The following IMMT variants were observed in gnomAD, a reference collection of about 807,000 sequenced individuals.
IMMT encodes MICOS complex subunit MIC60.
IMMT carries 40 observed loss-of-function variants against 92.7 expected under a neutral mutation model. The observed-to-expected ratio is 0.43, with a 90% CI of 0.34 to 0.56. IMMT has a LOEUF of 0.56. IMMT is among the 20% of genes least tolerant of loss of function. IMMT has a pLI of 0.03. For synonymous variants in IMMT, 322 were observed against 336.1 expected (o/e 0.96, Z 0.46); for missense variants, 831 against 912.1 (o/e 0.91, Z 1.14).
At chr2:86,165,431 G>A (rs1475266738) in intron 7 of IMMT, among the ~76,000 whole-genome samples, 1 of 152,168 alleles carries the variant, frequency 6.6e-6, no homozygotes, top group Non-Finnish European at 1.5e-5. Context: ...AAAGGTTGTA[G>A]TTTCTTGCTA....
intron 10 of IMMT, among the ~76,000 whole-genome samples, chr2:86,154,657 A>C (rs1195231310): frequency 6.6e-6 from 1 of 152,172 alleles, no homozygotes; most frequent in Non-Finnish European, 1.5e-5. Flanking sequence ...TTCAAACTAA[A>C]TTTTCATTTA....
At position 86,158,738 on chromosome 2, in the gene IMMT, G is replaced by T; in HGVS notation, c.1033-17C>A. 2 of 1,575,116 alleles carry T rather than the reference G, an allele frequency of 1.3e-6. No individual in the cohort carries two copies. The highest frequency in any genetic ancestry group is 1.7e-6 in the Non-Finnish European group (2 of 1,153,062). On this transcript the variant is annotated splice_polypyrimidine_tract_variant and intron_variant, in intron 9 of 14. Transcript: ENST00000410111. ...TGCTTGGACCTGAGCAAATACACAGGGTATGTGATTAAATTGAACAAAAAA... is the reference window on the plus strand; with the variant it reads ...TGCTTGGACCTGAGCAAATACACAGTGTATGTGATTAAATTGAACAAAAAA...
At chr2:86,186,761 C>A (rs1336283739) in intron 1 of IMMT, among the ~76,000 whole-genome samples, 1 of 152,206 alleles carries the variant, frequency 6.6e-6, no homozygotes, top group Non-Finnish European at 1.5e-5. Context: ...TTTTCCAGAA[C>A]TGAGTAAGGC....
At chr2:86,159,369 A>C (rs1230325443) in intron 9 of IMMT, 167 bp downstream of exon 9, 2 of 695,222 alleles carry the variant, frequency 2.9e-6, no homozygotes, top group Non-Finnish European at 5.2e-6. Flanking sequence ...ACAGGTGTGA[A>C]CCACCACACC....
rs561421843 is a variant in IMMT, at chr2:86,144,185, G to A, written c.*83C>T. 32 of 1,470,584 alleles carry A rather than the reference G, an allele frequency of 2.2e-5. No homozygotes were observed. Among genetic ancestry groups the A allele is most frequent in the East Asian group, 9.2e-5 (4 of 43,680 alleles). The allele number at this position is 1,470,584 out of a possible 1,614,324, so 91.1% of individuals were successfully genotyped here. Reference sequence around the variant, plus strand: ...AACCTGCTCATTTCTAGACAAGTCCGGGACTCTCGCTGCGAACCCTTCATC... The same window carrying A: ...AACCTGCTCATTTCTAGACAAGTCCAGGACTCTCGCTGCGAACCCTTCATC... On this transcript the variant is annotated 3_prime_UTR_variant, in exon 15 of 15. Coordinates refer to ENST00000410111, the MANE Select transcript of IMMT (RefSeq NM_006839.3).
intron 12 of IMMT, among the ~76,000 whole-genome samples, chr2:86,151,020 G>C (rs535480024): frequency 6.6e-6 from 1 of 151,702 alleles, no homozygotes; most frequent in African/African-American, 2.4e-5. Context: ...TGGTTCAAGT[G>C]GTTCTCCTGC....
intron 1 of IMMT, among the ~76,000 whole-genome samples, chr2:86,188,545 C>T (rs896584082): frequency 5.3e-5 from 8 of 152,064 alleles, no homozygotes; most frequent in African/African-American, 1.9e-4. Context: ...CACCTCTCAG[C>T]CTACCGAGTA....
intron 6 of IMMT, among the ~76,000 whole-genome samples, chr2:86,168,201 T>C (rs1676848157): frequency 6.6e-6 from 1 of 152,212 alleles, no homozygotes; most frequent in Admixed American, 6.5e-5. Context: ...CTTCCATCTA[T>C]TAAGATCACA....
intron 11 of IMMT, among the ~76,000 whole-genome samples, chr2:86,151,739 A>G (rs1675481299): frequency 6.6e-6 from 1 of 152,232 alleles, no homozygotes; most frequent in African/African-American, 2.4e-5. Context: ...CCTTCAGATA[A>G]TCAGTTGTTT....
At chr2:86,186,943 G>A (rs1483081409) in intron 1 of IMMT, among the ~76,000 whole-genome samples, 1 of 152,100 alleles carries the variant, frequency 6.6e-6, no homozygotes, top group African/African-American at 2.4e-5. Flanking sequence ...GGAAGCCTCT[G>A]CAAGTTTAGG....
intron 7 of IMMT, 64 bp downstream of exon 7, chr2:86,166,444 G>A (rs551693196): frequency 2.5e-5 from 37 of 1,496,044 alleles, no homozygotes; most frequent in South Asian, 9.0e-5. Flanking sequence ...CTCCACCCTC[G>A]ATTTTTCTTT....
chr2:86,173,364 TGA>T, intron 4 of IMMT: 1 of 327,826 alleles, frequency 3.1e-6, no homozygotes, highest in South Asian at 2.7e-5. Flanking sequence ...GCAGATCACC[TGA>T]GAGCGGGAGT....
At chr2:86,172,522 A>G (rs1677168161) in intron 4 of IMMT, among the ~76,000 whole-genome samples, 1 of 151,978 alleles carries the variant, frequency 6.6e-6, no homozygotes, top group Non-Finnish European at 1.5e-5. Flanking sequence ...TTATAGAAAC[A>G]GGATCTTGCT....
chr2:86,174,309 G>C (rs1282984956), intron 3 of IMMT, among the ~76,000 whole-genome samples: 1 of 152,118 alleles, frequency 6.6e-6, no homozygotes, highest in East Asian at 1.9e-4. Flanking sequence ...CATTTAAGAG[G>C]GCTGCCAGAT....
intron 10 of IMMT, among the ~76,000 whole-genome samples, chr2:86,157,606 C>T (rs971764533): frequency 4.0e-5 from 6 of 151,788 alleles, no homozygotes; most frequent in Non-Finnish European, 7.4e-5. Context: ...GCCAAAATGG[C>T]GAAACCCTGT....
chr2:86,165,089 T>C (rs893980341), intron 7 of IMMT, among the ~76,000 whole-genome samples: 1 of 152,238 alleles, frequency 6.6e-6, no homozygotes, highest in African/African-American at 2.4e-5. Flanking sequence ...ACTGCTACCA[T>C]TAGATTGTAA....
intron 3 of IMMT, among the ~76,000 whole-genome samples, chr2:86,175,273 G>A (rs1012824350): frequency 6.6e-6 from 1 of 151,540 alleles, no homozygotes; most frequent in Non-Finnish European, 1.5e-5. Context: ...GTATTATCTG[G>A]TTCCTCACCA....
intron 1 of IMMT, among the ~76,000 whole-genome samples, chr2:86,186,977 T>C (rs1245911483): frequency 6.6e-6 from 1 of 152,212 alleles, no homozygotes; most frequent in African/African-American, 2.4e-5. Flanking sequence ...TATCTAGCTC[T>C]GGCTCTATAC....
At position 86,166,502 on chromosome 2, in the gene IMMT, G is replaced by A. The variant is rs1347239157; in HGVS notation, c.792+6C>T. On this transcript the variant is annotated splice_donor_region_variant and intron_variant, in intron 7 of 14. Transcript: ENST00000410111. ...CAGAACACTTCTAATCATTCATTGG[G>A]CTCACCTCAGAATTGTCCATGGCGG... 6.2e-7 allele frequency: 1 copy of A among 1,600,242 alleles called. No homozygotes were observed. The highest frequency in any genetic ancestry group is 1.7e-5 in the Admixed American group (1 of 57,722).
Sources: allele counts gnomAD v4.1 joint callset (sites outside exome capture counted in the v4.1 genomes callset), GRCh38; gene constraint gnomAD v4.1.1; transcripts MANE v1.5; gene names NCBI Gene and HGNC (gene_info 2026-07-23, HGNC 2026-07-21).